GALNTL6: variants seen among roughly 807,000 people sequenced by gnomAD.
GALNTL6 encodes the protein polypeptide N-acetylgalactosaminyltransferase like 6, also known as polypeptide N-acetylgalactosaminyltransferase-like 6.
In GALNTL6, 46 loss-of-function variants were observed where a neutral mutation model predicts 73.7. The observed-to-expected ratio is 0.62, with a 90% confidence interval of 0.49 to 0.80. The LOEUF is 0.80. GALNTL6 is among the 30% of genes least tolerant of loss of function. The pLI, the probability that GALNTL6 is intolerant of heterozygous loss-of-function variation, is 0.00. For synonymous variants in GALNTL6, 259 were observed against 263.7 expected (o/e 0.98, Z 0.17); for missense variants, 604 against 755.0 (o/e 0.80, Z 2.34).
intron 5 of GALNTL6, among the ~76,000 whole-genome samples, chr4:172,530,323 A>G (rs1323746529): frequency 6.6e-6 from 1 of 152,178 alleles, no homozygotes; most frequent in Non-Finnish European, 1.5e-5. Flanking sequence ...TCTTTTTAGC[A>G]AAATATTCTA....
chr4:172,267,450 C>T (rs1738486597), intron 3 of GALNTL6, among the ~76,000 whole-genome samples: 1 of 152,018 alleles, frequency 6.6e-6, no homozygotes, highest in South Asian at 2.1e-4. Flanking sequence ...GCCCAATTTT[C>T]AGTAATTTTT....
chr4:171,913,899 A>T lies in GALNTL6; in HGVS notation c.138+99181A>T, dbSNP rs145378414. Among the ~76,000 whole-genome samples, 964 of 152,328 alleles carry T rather than the reference A, an allele frequency of 6.3e-3. 12 individuals are homozygous for T. The highest frequency in any genetic ancestry group is 0.022 in the African/African-American group (921 of 41,582). On this transcript the variant is annotated intron_variant, in intron 2 of 12. Transcript: ENST00000506823. ...ACACTTCCTTTTCAACACAATACTC[A>T]GGAATTATATTCCTGAATAAATGGC...
intron 4 of GALNTL6, among the ~76,000 whole-genome samples, chr4:172,319,859 G>T (rs774031400): frequency 1.3e-5 from 2 of 152,140 alleles, no homozygotes; most frequent in African/African-American, 2.4e-5. Flanking sequence ...AGAAAGGGAA[G>T]AAACATCTAT....
At chr4:172,568,636 T>C (rs1243275690) in intron 5 of GALNTL6, among the ~76,000 whole-genome samples, 1 of 150,402 alleles carries the variant, frequency 6.6e-6, no homozygotes, top group African/African-American at 2.4e-5. Flanking sequence ...TGGGCGCCTG[T>C]AGTCCCAGCT....
chr4:171,940,979 A>G (rs1276936368), intron 2 of GALNTL6, among the ~76,000 whole-genome samples: 3 of 151,934 alleles, frequency 2.0e-5, no homozygotes, highest in African/African-American at 7.2e-5. Flanking sequence ...TTAGTGATTG[A>G]TGGGAGTGGA....
At chr4:171,890,333 T>G (rs1736726575) in intron 2 of GALNTL6, among the ~76,000 whole-genome samples, 1 of 152,148 alleles carries the variant, frequency 6.6e-6, no homozygotes, top group African/African-American at 2.4e-5. Context: ...AGAAAATTCT[T>G]TCCTTCATTT....
chr4:172,457,054 T>G (rs1002857196), intron 5 of GALNTL6, among the ~76,000 whole-genome samples: 5 of 152,106 alleles, frequency 3.3e-5, no homozygotes, highest in Non-Finnish European at 7.4e-5. Flanking sequence ...TATTCAACAT[T>G]CTTAAAGAGA....
chr4:172,233,224 A>T (rs1211081717), intron 3 of GALNTL6, among the ~76,000 whole-genome samples: 3 of 150,808 alleles, frequency 2.0e-5, no homozygotes, highest in African/African-American at 7.3e-5. Context: ...AAAAAAAAAA[A>T]TTCATCCGGG....
rs371781505 is a variant in GALNTL6 at position 172,206,909 on chromosome 4, T to C, written c.139-22747T>C. Among the ~76,000 whole-genome samples the C allele has an allele frequency of 2.5e-4, 36 of 143,504 alleles. 1 individual carries two copies. The East Asian group carries it at 3.1e-3, about 12-fold the overall frequency. The allele number at this position is 143,504 out of a possible 152,430, so 94.1% of individuals were successfully genotyped here. ...CTCCACTCACTGCAAGCTCCGCCTC[T>C]CGGGTTCAGGCTATTCTCGTGCCTC... On this transcript the variant is annotated intron_variant, in intron 2 of 12. Transcript: ENST00000506823.
chr4:172,024,691 G>A (rs1741501806), intron 2 of GALNTL6, among the ~76,000 whole-genome samples: 1 of 151,900 alleles, frequency 6.6e-6, no homozygotes, highest in African/African-American at 2.4e-5. Flanking sequence ...AGTGAACTAT[G>A]ATTATTATTT....
At chr4:172,840,758 G>C (rs2111081338) in intron 7 of GALNTL6, among the ~76,000 whole-genome samples, 1 of 152,292 alleles carries the variant, frequency 6.6e-6, no homozygotes, top group East Asian at 1.9e-4. Context: ...TCCTGTGAGA[G>C]ACAAAGATAT....
At chr4:172,734,878 C>A (rs1736365115) in intron 5 of GALNTL6, among the ~76,000 whole-genome samples, 1 of 152,212 alleles carries the variant, frequency 6.6e-6, no homozygotes, top group Admixed American at 6.5e-5. Context: ...TCAGAGGGTG[C>A]AATCCCCAAG....
At chr4:171,897,335 A>C (rs781418550) in intron 2 of GALNTL6, among the ~76,000 whole-genome samples, 7 of 152,326 alleles carry the variant, frequency 4.6e-5, no homozygotes, top group Non-Finnish European at 7.4e-5. Context: ...CAATCTTTAA[A>C]TAAAAGATTG....
intron 12 of GALNTL6, among the ~76,000 whole-genome samples, chr4:173,024,438 C>T (rs1418588748): frequency 6.6e-6 from 1 of 152,198 alleles, no homozygotes; most frequent in South Asian, 2.1e-4. Context: ...TTCAGACACA[C>T]CTGTTTTAGA....
chr4:172,914,074 G>C (rs771130835), intron 8 of GALNTL6, among the ~76,000 whole-genome samples: 6 of 151,802 alleles, frequency 4.0e-5, no homozygotes, highest in East Asian at 3.9e-4. Context: ...CAGAAGGTTG[G>C]GGGGGTGGTG....
At chr4:172,714,451 A>G (rs745436843) in intron 5 of GALNTL6, among the ~76,000 whole-genome samples, 4 of 152,130 alleles carry the variant, frequency 2.6e-5, no homozygotes, top group Non-Finnish European at 5.9e-5. Flanking sequence ...CGTAATACCT[A>G]CCTGACAGAG....
At chr4:171,826,910 G>A (rs1044027262) in intron 2 of GALNTL6, among the ~76,000 whole-genome samples, 2 of 151,956 alleles carry the variant, frequency 1.3e-5, no homozygotes, top group Non-Finnish European at 2.9e-5. Context: ...CCCATACCAC[G>A]TACATTTACC....
intron 2 of GALNTL6, among the ~76,000 whole-genome samples, chr4:171,902,942 A>C (rs1737145488): frequency 6.6e-6 from 1 of 152,176 alleles, no homozygotes; most frequent in Admixed American, 6.5e-5. Flanking sequence ...TTACCACAGT[A>C]GGGAGGAGAA....
At chr4:172,924,251 C>G (rs1747934378) in intron 8 of GALNTL6, among the ~76,000 whole-genome samples, 1 of 152,120 alleles carries the variant, frequency 6.6e-6, no homozygotes. Context: ...CCCTCTTTCC[C>G]TTCATGTAAA....
Sources: gnomAD v4.1 joint callset for allele counts (sites outside exome capture counted in the v4.1 genomes callset) on GRCh38, gnomAD v4.1.1 for gene constraint, MANE v1.5 for transcripts, NCBI Gene and HGNC (gene_info 2026-07-23, HGNC 2026-07-21) for gene names.